The following NDST3 variants were observed in gnomAD, a reference collection of about 807,000 sequenced individuals.
NDST3 encodes N-deacetylase and N-sulfotransferase 3.
Under a neutral mutation model 96.1 loss-of-function variants are expected in NDST3, and 58 were observed. The observed-to-expected ratio is 0.60, with a 90% CI of 0.49 to 0.75. NDST3 has a LOEUF of 0.75. NDST3 is among the 30% of genes least tolerant of loss of function. The probability of loss-of-function intolerance (pLI) is 0.00; values close to 1 mark genes in which losing one functional copy is unlikely to be tolerated. For synonymous variants in NDST3, 333 were observed against 359.7 expected (o/e 0.93, Z 0.84); for missense variants, 788 against 1,034.2 (o/e 0.76, Z 3.27).
intron 6 of NDST3, among the ~76,000 whole-genome samples, chr4:118,215,532 G>C (rs1739141329): frequency 6.6e-6 from 1 of 152,084 alleles, no homozygotes; most frequent in Admixed American, 6.6e-5. Flanking sequence ...TGAAGAACTT[G>C]GCTGGGTAGG....
chr4:118,232,764 A>G (rs1740393167), intron 8 of NDST3, among the ~76,000 whole-genome samples: 1 of 152,210 alleles, frequency 6.6e-6, no homozygotes, highest in African/African-American at 2.4e-5. Flanking sequence ...CAGACAAATC[A>G]GTCATTGAGC....
intron 1 of NDST3, among the ~76,000 whole-genome samples, chr4:118,036,007 G>A (rs888099160): frequency 5.3e-5 from 8 of 151,770 alleles, no homozygotes; most frequent in Non-Finnish European, 1.0e-4. Context: ...TGAACATTGA[G>A]GCAAATATTA....
At chr4:118,177,981 T>C (rs1167377593) in intron 6 of NDST3, among the ~76,000 whole-genome samples, 1 of 151,808 alleles carries the variant, frequency 6.6e-6, no homozygotes, top group Non-Finnish European at 1.5e-5. Context: ...GTTGGATAGT[T>C]ACAGTTAAGT....
chr4:118,140,416 C>G (rs1287521609), intron 5 of NDST3, among the ~76,000 whole-genome samples: 1 of 152,130 alleles, frequency 6.6e-6, no homozygotes, highest in Non-Finnish European at 1.5e-5. Context: ...GAGCCCTAAC[C>G]AAAGTCTCTG....
In NDST3 at chr4:118,237,037, C is replaced by T; in HGVS notation, c.1944-9C>T. On this transcript the variant is annotated splice_polypyrimidine_tract_variant and intron_variant, in intron 9 of 13. Coordinates refer to ENST00000296499, the MANE Select transcript of NDST3 (RefSeq NM_004784.3). ...GAATCTTATTTTGAGAAAAATATTC[C>T]TTTTCTAGGTATATGGATTTCTTCC... 1 of 1,559,570 alleles carries T rather than the reference C, an allele frequency of 6.4e-7. No individual in the cohort carries two copies.
chr4:118,202,740 A>G (rs1192801452), intron 6 of NDST3, among the ~76,000 whole-genome samples: 1 of 152,218 alleles, frequency 6.6e-6, no homozygotes, highest in Admixed American at 6.5e-5. Context: ...TTTTCTAGGT[A>G]TAGAATTATG....
At chr4:118,240,485 C>T (rs77290012) in intron 10 of NDST3, 39 bp from the exon 11 acceptor site, 39,888 of 1,485,784 alleles carry the variant, frequency 0.027, 749 homozygotes, top group African/African-American at 0.085. Context: ...TTTATGCCTA[C>T]GGTTCAGATT....
intron 6 of NDST3, among the ~76,000 whole-genome samples, chr4:118,220,259 TG>T (rs1182218703): frequency 6.6e-6 from 1 of 151,990 alleles, no homozygotes. Context: ...ATATAAACCA[TG>T]GGATACTATA....
chr4:118,157,082 C>A (rs1266096450), intron 6 of NDST3, among the ~76,000 whole-genome samples: 2 of 151,868 alleles, frequency 1.3e-5, no homozygotes, highest in Admixed American at 6.6e-5. Context: ...CCATAAGAGA[C>A]TAGTTAAAAA....
At chr4:118,120,104 T>C (rs1698654512) in intron 4 of NDST3, among the ~76,000 whole-genome samples, 1 of 152,148 alleles carries the variant, frequency 6.6e-6, no homozygotes. Context: ...AGGTAGTAAA[T>C]GTTTGCTAAA....
At chr4:118,247,698 C>T (rs1264221584) in intron 12 of NDST3, among the ~76,000 whole-genome samples, 2 of 152,058 alleles carry the variant, frequency 1.3e-5, no homozygotes, top group Admixed American at 6.6e-5. Flanking sequence ...AATTGTACAA[C>T]TATATAAACT....
At chr4:118,176,095 T>C (rs1313124014) in intron 6 of NDST3, among the ~76,000 whole-genome samples, 1 of 152,038 alleles carries the variant, frequency 6.6e-6, no homozygotes. Context: ...TTTTTGGCAA[T>C]TTTTTGTACT....
At chr4:118,184,728 A>G (rs983954977) in intron 6 of NDST3, among the ~76,000 whole-genome samples, 3 of 152,128 alleles carry the variant, frequency 2.0e-5, no homozygotes, top group Non-Finnish European at 4.4e-5. Flanking sequence ...TATTAAGTAT[A>G]CATAATTTAT....
At chr4:118,189,832 A>G (rs1237123692) in intron 6 of NDST3, among the ~76,000 whole-genome samples, 1 of 152,162 alleles carries the variant, frequency 6.6e-6, no homozygotes, top group African/African-American at 2.4e-5. Context: ...TTTTTAGATT[A>G]CTGTATTATC....
At chr4:118,232,248 T>C (rs1326613280) in intron 8 of NDST3, among the ~76,000 whole-genome samples, 1 of 152,156 alleles carries the variant, frequency 6.6e-6, no homozygotes, top group East Asian at 1.9e-4. Context: ...ATATAGTGCC[T>C]TATTACCGTC....
chr4:118,034,536 T>A lies in NDST3; in HGVS notation c.-212T>A, dbSNP rs1400290780. On this transcript the variant is annotated 5_prime_UTR_variant, in exon 1 of 14. Coordinates refer to ENST00000296499, the MANE Select transcript of NDST3 (RefSeq NM_004784.3). ...GGTAACGAGTGGTACTGTTTCCGTT[T>A]CTTTTCCATCTATTGCAACTTTCTC... 6.6e-6 allele frequency: 1 copy of A among 152,232 alleles called. No individual in the cohort carries two copies. Among genetic ancestry groups the A allele is most frequent in the African/African-American group, 2.4e-5 (1 of 41,448 alleles). 9.4% of individuals were successfully genotyped at this position (152,232 alleles called of 1,614,324 possible).
intron 6 of NDST3, among the ~76,000 whole-genome samples, chr4:118,211,861 G>A (rs1031060959): frequency 2.6e-5 from 4 of 152,158 alleles, no homozygotes; most frequent in Admixed American, 6.5e-5. Flanking sequence ...TGAACGATGT[G>A]CCTGTGTCAA....
chr4:118,084,504 G>C (rs576417403), intron 2 of NDST3, among the ~76,000 whole-genome samples: 1 of 152,050 alleles, frequency 6.6e-6, no homozygotes. Context: ...TCCTAGTTTA[G>C]TGTTTCTGAA....
intron 12 of NDST3, among the ~76,000 whole-genome samples, chr4:118,243,989 T>C (rs1408394005): frequency 4.6e-5 from 7 of 152,194 alleles, no homozygotes; most frequent in African/African-American, 9.6e-5. Context: ...TCTAACCTGG[T>C]TGGGGGCTCA....
Sources: allele counts gnomAD v4.1 joint callset (sites outside exome capture counted in the v4.1 genomes callset), GRCh38; gene constraint gnomAD v4.1.1; transcripts MANE v1.5; gene names NCBI Gene and HGNC (gene_info 2026-07-23, HGNC 2026-07-21).